Variants in OXR1 observed in about 807,000 individuals in gnomAD.
The protein encoded by OXR1 is oxidation resistance protein 1.
Under a neutral mutation model 104.6 loss-of-function variants are expected in OXR1, and 41 were observed. That is an observed-to-expected ratio of 0.39 (90% CI 0.31 to 0.51). The LOEUF (loss-of-function observed/expected upper bound fraction) is 0.51, where lower values mean the gene tolerates loss of function less well. Ranked by LOEUF, OXR1 falls within the 20% of genes least tolerant of loss-of-function variation. The pLI is 0.77. For synonymous variants in OXR1, 348 were observed against 348.4 expected (o/e 1.00, Z 0.01); for missense variants, 955 against 1,031.9 (o/e 0.93, Z 1.02).
intron 2 of OXR1, among the ~76,000 whole-genome samples, chr8:106,512,172 T>C (rs187904918): frequency 2.6e-5 from 4 of 152,106 alleles, no homozygotes; most frequent in Admixed American, 2.6e-4. Context: ...CAAGGAAAGG[T>C]TAAGAAAATT....
intron 3 of OXR1, among the ~76,000 whole-genome samples, chr8:106,639,357 T>G (rs1823438013): frequency 1.3e-5 from 2 of 152,122 alleles, no homozygotes; most frequent in Admixed American, 6.6e-5. Flanking sequence ...TGGCCAACCT[T>G]CCATAAAACA....
chr8:106,284,731 G>A (rs1395697984), intron 1 of OXR1, among the ~76,000 whole-genome samples: 1 of 151,920 alleles, frequency 6.6e-6, no homozygotes, highest in African/African-American at 2.4e-5. Flanking sequence ...TAAACCACTT[G>A]CCTTTGTCAT....
intron 1 of OXR1, among the ~76,000 whole-genome samples, chr8:106,347,674 G>A (rs1003192998): frequency 7.2e-5 from 11 of 151,998 alleles, no homozygotes; most frequent in Non-Finnish European, 2.9e-5. Flanking sequence ...TAGTTATTGG[G>A]TTTATTTTGC....
At chr8:106,319,963 C>G (rs924681760) in intron 1 of OXR1, among the ~76,000 whole-genome samples, 1 of 152,200 alleles carries the variant, frequency 6.6e-6, no homozygotes, top group Admixed American at 6.5e-5. Context: ...GAGAGGTGAC[C>G]TTTTGTGGAC....
chr8:106,695,808 A>G (rs1018045094), intron 7 of OXR1, among the ~76,000 whole-genome samples: 2 of 152,100 alleles, frequency 1.3e-5, no homozygotes, highest in Non-Finnish European at 2.9e-5. Flanking sequence ...TTTTTGGTCC[A>G]TTGAATTTTT....
intron 1 of OXR1, among the ~76,000 whole-genome samples, chr8:106,307,352 A>G (rs914720343): frequency 1.3e-5 from 2 of 152,226 alleles, no homozygotes; most frequent in East Asian, 1.9e-4. Context: ...GAAAGCTTCA[A>G]TCCTTCATGG....
intron 2 of OXR1, among the ~76,000 whole-genome samples, chr8:106,485,834 T>A (rs1415083314): frequency 6.6e-6 from 1 of 151,996 alleles, no homozygotes; most frequent in Non-Finnish European, 1.5e-5. Flanking sequence ...GAGGACATTA[T>A]GTTAAGTGAA....
chr8:106,281,540 C>T (rs941793045), intron 1 of OXR1, among the ~76,000 whole-genome samples: 7 of 152,128 alleles, frequency 4.6e-5, no homozygotes, highest in Non-Finnish European at 7.4e-5. Context: ...CGGTGGCTCA[C>T]GCCTGTAATC....
chr8:106,294,575 C>T (rs1424590863), intron 1 of OXR1, among the ~76,000 whole-genome samples: 1 of 151,758 alleles, frequency 6.6e-6, no homozygotes, highest in Non-Finnish European at 1.5e-5. Context: ...GGGGAGTAAG[C>T]ACATCACATG....
chr8:106,617,430 A>G (rs751542359), intron 3 of OXR1, among the ~76,000 whole-genome samples: 3 of 151,816 alleles, frequency 2.0e-5, no homozygotes, highest in African/African-American at 4.8e-5. Context: ...CTCCATCTCA[A>G]AAAAAAAGGG....
chr8:106,323,846 A>C (rs1261631497), intron 1 of OXR1, among the ~76,000 whole-genome samples: 1 of 152,212 alleles, frequency 6.6e-6, no homozygotes, highest in Non-Finnish European at 1.5e-5. Flanking sequence ...CTATTACTAA[A>C]AAGTAAAAAA....
At chr8:106,404,491 C>G (rs761368970) in intron 2 of OXR1, among the ~76,000 whole-genome samples, 25 of 152,076 alleles carry the variant, frequency 1.6e-4, no homozygotes, top group Non-Finnish European at 3.5e-4. Flanking sequence ...TCAATCTTAG[C>G]CCTATGGCTA....
chr8:106,300,821 A>G (rs1201549548), intron 1 of OXR1, among the ~76,000 whole-genome samples: 1 of 152,216 alleles, frequency 6.6e-6, no homozygotes, highest in Non-Finnish European at 1.5e-5. Context: ...GGTTGAGAAC[A>G]CTATGTATCA....
intron 3 of OXR1, among the ~76,000 whole-genome samples, chr8:106,639,020 A>C (rs1823408480): frequency 6.6e-6 from 1 of 152,214 alleles, no homozygotes; most frequent in African/African-American, 2.4e-5. Flanking sequence ...TGAAATAGAA[A>C]GGTGCTTGAA....
intron 1 of OXR1, among the ~76,000 whole-genome samples, chr8:106,320,924 G>A (rs565054357): frequency 4.5e-4 from 68 of 152,062 alleles, no homozygotes; most frequent in African/African-American, 1.6e-3. Context: ...CACCTGCCTC[G>A]GCCTCCCAAA....
intron 3 of OXR1, among the ~76,000 whole-genome samples, chr8:106,624,953 G>A (rs1051309366): frequency 1.3e-5 from 2 of 151,966 alleles, no homozygotes; most frequent in Admixed American, 6.6e-5. Context: ...CACTATGCCC[G>A]GCTAATTTTT....
chr8:106,574,682 C>G (rs1326273863), intron 3 of OXR1, among the ~76,000 whole-genome samples: 1 of 152,238 alleles, frequency 6.6e-6, no homozygotes, highest in East Asian at 1.9e-4. Flanking sequence ...TAAGGGGCAT[C>G]TGTCCAGATC....
chr8:106,623,976 C>T (rs1344615571), intron 3 of OXR1, among the ~76,000 whole-genome samples: 2 of 152,214 alleles, frequency 1.3e-5, no homozygotes, highest in African/African-American at 4.8e-5. Flanking sequence ...TTTGCTAACA[C>T]ATTAAGCCAG....
At chr8:106,412,800 A>G (rs889424087) in intron 2 of OXR1, among the ~76,000 whole-genome samples, 1 of 152,014 alleles carries the variant, frequency 6.6e-6, no homozygotes, top group African/African-American at 2.4e-5. Flanking sequence ...ATAAATTTGT[A>G]TTATTTATAG....
Sources: gnomAD v4.1 joint callset for allele counts (sites outside exome capture counted in the v4.1 genomes callset) on GRCh38, gnomAD v4.1.1 for gene constraint, MANE v1.5 for transcripts, NCBI Gene and HGNC (gene_info 2026-07-23, HGNC 2026-07-21) for gene names.